Variants in TRPC4 observed in about 807,000 individuals in gnomAD.
TRPC4 encodes transient receptor potential cation channel subfamily C member 4.
In TRPC4, 49 loss-of-function variants were observed where a neutral mutation model predicts 99.4. The observed-to-expected ratio is 0.49, with a 90% confidence interval of 0.39 to 0.63. TRPC4 has a LOEUF of 0.63. TRPC4 is among the 20% of genes least tolerant of loss of function. The pLI, the probability that TRPC4 is intolerant of heterozygous loss-of-function variation, is 0.00. For missense variants in TRPC4, 898 were observed against 1,152.9 expected (o/e 0.78, Z 3.20); for synonymous variants, 454 against 425.9 (o/e 1.07, Z -0.81).
chr13:37,762,918 G>A (rs900811391), intron 2 of TRPC4, among the ~76,000 whole-genome samples: 1 of 151,272 alleles, frequency 6.6e-6, no homozygotes, highest in African/African-American at 2.4e-5. Context: ...TTAGCAAAAG[G>A]GGTTATAAAG....
At chr13:37,639,501 A>G (rs1291744511) in intron 8 of TRPC4, among the ~76,000 whole-genome samples, 1 of 152,128 alleles carries the variant, frequency 6.6e-6, no homozygotes, top group Non-Finnish European at 1.5e-5. Context: ...ATGACATTTG[A>G]AACACAGAAT....
intron 1 of TRPC4, among the ~76,000 whole-genome samples, chr13:37,795,148 A>C (rs1032335659): frequency 6.6e-6 from 1 of 152,146 alleles, no homozygotes; most frequent in Admixed American, 6.6e-5. Flanking sequence ...AGAATTTCTT[A>C]CTAGGAATAC....
chr13:37,858,116 A>G (rs1306248137), intron 1 of TRPC4, among the ~76,000 whole-genome samples: 5 of 151,804 alleles, frequency 3.3e-5, no homozygotes, highest in South Asian at 2.1e-4. Flanking sequence ...ATTTGAATAG[A>G]TATTTCTCAG....
chr13:37,818,748 C>A (rs1164783213), intron 1 of TRPC4, among the ~76,000 whole-genome samples: 3 of 151,940 alleles, frequency 2.0e-5, no homozygotes, highest in Non-Finnish European at 4.4e-5. Context: ...GGGAGTTGAA[C>A]AATGAGAACA....
At chr13:37,735,891 T>C (rs1463507685) in intron 3 of TRPC4, among the ~76,000 whole-genome samples, 1 of 152,222 alleles carries the variant, frequency 6.6e-6, no homozygotes, top group Non-Finnish European at 1.5e-5. Context: ...TACAATTTGC[T>C]GTTTTATGTT....
intron 1 of TRPC4, among the ~76,000 whole-genome samples, chr13:37,866,562 AAATG>A (rs1380076557): frequency 6.6e-6 from 1 of 151,780 alleles, no homozygotes; most frequent in Non-Finnish European, 1.5e-5. Flanking sequence ...GTCTTTCCCT[AAATG>A]CATTTTTTGC....
chr13:37,724,984 T>C (rs1954997750), intron 3 of TRPC4, among the ~76,000 whole-genome samples: 1 of 152,118 alleles, frequency 6.6e-6, no homozygotes, highest in South Asian at 2.1e-4. Flanking sequence ...AAAACATCTG[T>C]CTTGAAGGTG....
intron 8 of TRPC4, among the ~76,000 whole-genome samples, chr13:37,648,377 G>A (rs1415886030): frequency 1.3e-5 from 2 of 152,170 alleles, no homozygotes; most frequent in Non-Finnish European, 2.9e-5. Context: ...TGGAAATGCA[G>A]TATGGAGAAA....
At chr13:37,812,240 C>T (rs991507803) in intron 1 of TRPC4, among the ~76,000 whole-genome samples, 8 of 126,630 alleles carry the variant, frequency 6.3e-5, no homozygotes, top group Admixed American at 1.6e-4. Flanking sequence ...AGCGATAGAA[C>T]ATAACTCAAG....
intron 4 of TRPC4, among the ~76,000 whole-genome samples, chr13:37,688,693 T>TA (rs1953575570): frequency 6.6e-6 from 1 of 152,086 alleles, no homozygotes; most frequent in Non-Finnish European, 1.5e-5. Context: ...TTAGTACAAA[T>TA]AAAAAAGTAT....
At chr13:37,723,099 G>C (rs531293633) in intron 3 of TRPC4, among the ~76,000 whole-genome samples, 1 of 151,990 alleles carries the variant, frequency 6.6e-6, no homozygotes, top group Non-Finnish European at 1.5e-5. Flanking sequence ...ATATAAACAC[G>C]CAAATGCACA....
rs1239017401 is a variant in TRPC4 at position 37,692,162 on chromosome 13, C to T, written c.1071G>A (p.Leu357=). 1 of 1,614,072 alleles carries T rather than the reference C, an allele frequency of 6.2e-7. No individual in the cohort carries two copies. Residue 357 remains leucine (L), a synonymous_variant, in exon 4 of 11, where the codon CTG becomes CTA. Transcript: ENST00000379705. Reference sequence around the variant, plus strand: ...ACTTGATAAATGGCTTCCTGATGAACAGTCCAAGTGGGCTTTTGGGAGCTA... The same window carrying T: ...ACTTGATAAATGGCTTCCTGATGAATAGTCCAAGTGGGCTTTTGGGAGCTA... ...YLIAPKSPLG[L]FIRKPFIKFI... is the part of the protein sequence containing the mutation.
intron 1 of TRPC4, among the ~76,000 whole-genome samples, chr13:37,862,372 CTA>C (rs1328789581): frequency 7.3e-5 from 11 of 151,432 alleles, no homozygotes; most frequent in Non-Finnish European, 3.0e-5. Context: ...TTGGTAATAT[CTA>C]TGTATAAAAG....
At chr13:37,851,071 C>A (rs1227583599) in intron 1 of TRPC4, among the ~76,000 whole-genome samples, 1 of 152,192 alleles carries the variant, frequency 6.6e-6, no homozygotes, top group Non-Finnish European at 1.5e-5. Context: ...ATTTATTATT[C>A]TGGACTCTGC....
chr13:37,712,081 C>T (rs953211800), intron 3 of TRPC4, among the ~76,000 whole-genome samples: 7 of 151,686 alleles, frequency 4.6e-5, no homozygotes, highest in Non-Finnish European at 8.8e-5. Context: ...CTAGTGGCTA[C>T]GATATTGGAA....
intron 6 of TRPC4, among the ~76,000 whole-genome samples, chr13:37,655,906 T>C (rs1924284): frequency 0.99 from 151,300 of 152,236 alleles, 75,191 homozygotes; most frequent in Middle Eastern, 1. Flanking sequence ...TTTAAAAAGT[T>C]TGCTCTTTTA....
intron 7 of TRPC4, among the ~76,000 whole-genome samples, chr13:37,652,731 T>A: frequency 5.8e-4 from 2 of 3,478 alleles, no homozygotes; most frequent in African/African-American, 1.9e-3. Context: ...ACTCAGCAGA[T>A]TTGGCTCAAG....
At chr13:37,773,450 TCA>T (rs1241064273) in intron 2 of TRPC4, among the ~76,000 whole-genome samples, 3 of 151,834 alleles carry the variant, frequency 2.0e-5, no homozygotes, top group Non-Finnish European at 4.4e-5. Flanking sequence ...CATTTATTCC[TCA>T]CTTACTGAAC....
At chr13:37,779,150 C>T (rs1191895166) in intron 2 of TRPC4, among the ~76,000 whole-genome samples, 2 of 152,006 alleles carry the variant, frequency 1.3e-5, no homozygotes, top group Non-Finnish European at 1.5e-5. Context: ...TTTACTGAAG[C>T]AGCTGAAACT....
Sources: allele counts gnomAD v4.1 joint callset (sites outside exome capture counted in the v4.1 genomes callset), GRCh38; gene constraint gnomAD v4.1.1; transcripts MANE v1.5; gene names NCBI Gene and HGNC (gene_info 2026-07-23, HGNC 2026-07-21).